The following MNAT1 variants were observed in gnomAD, a reference collection of about 807,000 sequenced individuals.
The protein encoded by MNAT1 is CDK-activating kinase assembly factor MAT1.
A neutral mutation model predicts 42.0 loss-of-function variants in MNAT1; 43 were observed. The observed-to-expected ratio is 1.02, with a 90% confidence interval of 0.80 to 1.32. The LOEUF (loss-of-function observed/expected upper bound fraction) is 1.32. MNAT1 is among the 40% of genes most tolerant of loss of function. The pLI is 0.00. For synonymous variants in MNAT1, 118 were observed against 120.0 expected (o/e 0.98, Z 0.11); for missense variants, 306 against 350.4 (o/e 0.87, Z 1.01).
At chr14:60,941,032 A>G (rs921831492) in intron 7 of MNAT1, among the ~76,000 whole-genome samples, 1 of 152,180 alleles carries the variant, frequency 6.6e-6, no homozygotes, top group Non-Finnish European at 1.5e-5. Context: ...TTTTTGGGAA[A>G]TGCCTGTGTT....
At chr14:60,872,384 C>T (rs2034344601) in intron 6 of MNAT1, among the ~76,000 whole-genome samples, 1 of 152,160 alleles carries the variant, frequency 6.6e-6, no homozygotes, top group Non-Finnish European at 1.5e-5. Flanking sequence ...TGCATCCATC[C>T]TACATTACTC....
At chr14:60,752,823 G>A (rs576535595) in intron 1 of MNAT1, among the ~76,000 whole-genome samples, 139 of 152,310 alleles carry the variant, frequency 9.1e-4, no homozygotes, top group Non-Finnish European at 1.5e-3. Flanking sequence ...AGAGTGCAGT[G>A]GTGTGATCTT....
At chr14:60,892,931 G>A (rs1277903426) in intron 7 of MNAT1, among the ~76,000 whole-genome samples, 1 of 151,968 alleles carries the variant, frequency 6.6e-6, no homozygotes, top group African/African-American at 2.4e-5. Flanking sequence ...GTGTGTCCAA[G>A]ATTATTAATA....
At chr14:60,904,214 A>G (rs2035142323) in intron 7 of MNAT1, among the ~76,000 whole-genome samples, 1 of 152,252 alleles carries the variant, frequency 6.6e-6, no homozygotes. Context: ...GGGGCATCAG[A>G]AAATCAAAGA....
At chr14:60,769,672 T>A (rs76954877) in intron 1 of MNAT1, among the ~76,000 whole-genome samples, 3 of 152,156 alleles carry the variant, frequency 2.0e-5, no homozygotes, top group Non-Finnish European at 2.9e-5. Context: ...TTGTTTTTTT[T>A]AGAGACAGGG....
chr14:60,820,801 T>C (rs1227366877), intron 6 of MNAT1, among the ~76,000 whole-genome samples: 1 of 152,148 alleles, frequency 6.6e-6, no homozygotes, highest in African/African-American at 2.4e-5. Context: ...ATAAACAATA[T>C]TAAACAAATC....
chr14:60,959,494 G>A (rs796100383), intron 7 of MNAT1, among the ~76,000 whole-genome samples: 42 of 149,104 alleles, frequency 2.8e-4, no homozygotes, highest in African/African-American at 1.0e-3. Context: ...TGGGGAAGCT[G>A]CTCTTTCATC....
chr14:60,899,728 T>C (rs2035033230), intron 7 of MNAT1, among the ~76,000 whole-genome samples: 1 of 152,182 alleles, frequency 6.6e-6, no homozygotes, highest in South Asian at 2.1e-4. Flanking sequence ...CTTGAAGAAA[T>C]AGAATAGGGT....
intron 6 of MNAT1, among the ~76,000 whole-genome samples, chr14:60,859,574 A>C (rs2034046400): frequency 6.6e-6 from 1 of 152,248 alleles, no homozygotes; most frequent in African/African-American, 2.4e-5. Flanking sequence ...ACATTAATCA[A>C]GACAAAAAAT....
intron 1 of MNAT1, among the ~76,000 whole-genome samples, chr14:60,736,238 A>G (rs566768544): frequency 4.0e-4 from 61 of 152,104 alleles, no homozygotes; most frequent in African/African-American, 1.4e-3. Flanking sequence ...ATTTCGTTCA[A>G]TTTCTCTCCA....
chr14:60,750,005 T>G (rs2030000539), intron 1 of MNAT1, among the ~76,000 whole-genome samples: 1 of 152,140 alleles, frequency 6.6e-6, no homozygotes, highest in South Asian at 2.1e-4. Context: ...AAGAATCATC[T>G]GGGGTGCTTC....
intron 7 of MNAT1, among the ~76,000 whole-genome samples, chr14:60,932,120 T>G (rs1400767070): frequency 1.3e-5 from 2 of 152,074 alleles, no homozygotes; most frequent in Non-Finnish European, 2.9e-5. Flanking sequence ...AATTTTTGCT[T>G]GTACAAACCT....
chr14:60,809,332 T>C (rs1287385491), intron 4 of MNAT1, among the ~76,000 whole-genome samples: 2 of 152,152 alleles, frequency 1.3e-5, no homozygotes, highest in Non-Finnish European at 2.9e-5. Flanking sequence ...AGCATTTCTT[T>C]CCTGCTGTAA....
At chr14:60,911,265 C>A (rs1383200373) in intron 7 of MNAT1, among the ~76,000 whole-genome samples, 1 of 152,026 alleles carries the variant, frequency 6.6e-6, no homozygotes, top group African/African-American at 2.4e-5. Context: ...TTGATCTTTT[C>A]AAAAAACCAG....
intron 7 of MNAT1, among the ~76,000 whole-genome samples, chr14:60,911,103 T>C (rs2035345547): frequency 6.6e-6 from 1 of 151,866 alleles, no homozygotes; most frequent in Non-Finnish European, 1.5e-5. Flanking sequence ...TTTTCTAGTT[T>C]ATTTGTGTAG....
intron 6 of MNAT1, among the ~76,000 whole-genome samples, chr14:60,878,435 T>G (rs1173570812): frequency 6.6e-6 from 1 of 152,080 alleles, no homozygotes; most frequent in East Asian, 1.9e-4. Flanking sequence ...GACTGTAAGG[T>G]GGATACCTAA....
intron 7 of MNAT1, among the ~76,000 whole-genome samples, chr14:60,967,578 G>GA (rs1366852864): frequency 6.6e-6 from 1 of 152,012 alleles, no homozygotes; most frequent in African/African-American, 2.4e-5. Flanking sequence ...TGTGGTTGCA[G>GA]AAAAAAATTG....
chr14:60,876,467 A>C lies in MNAT1; in HGVS notation c.688-3247A>C, dbSNP rs193295408. Among the ~76,000 whole-genome samples, 22 of 152,142 alleles carry C rather than the reference A, an allele frequency of 1.4e-4. No individual in the cohort carries two copies. In the South Asian group the frequency reaches 4.6e-3, roughly 32 times the overall value. ...TTCATGTAATCCCTTTTAACTGTAC[A>C]TTTCTGTGACATTAAGTACATCCAA... On this transcript the variant is annotated intron_variant, in intron 6 of 7. Transcript: ENST00000261245.
chr14:60,961,666 A>G (rs1411205848), intron 7 of MNAT1, among the ~76,000 whole-genome samples: 2 of 152,196 alleles, frequency 1.3e-5, no homozygotes, highest in South Asian at 2.1e-4. Flanking sequence ...TATACGGTCA[A>G]TGAGATCACG....
Sources: allele counts gnomAD v4.1 joint callset (sites outside exome capture counted in the v4.1 genomes callset), GRCh38; gene constraint gnomAD v4.1.1; transcripts MANE v1.5; gene names NCBI Gene and HGNC (gene_info 2026-07-23, HGNC 2026-07-21).